NFE2: variants seen among roughly 807,000 people sequenced by gnomAD.
The protein encoded by NFE2 is transcription factor NF-E2 45 kDa subunit.
NFE2 carries 13 observed loss-of-function variants against 25.8 expected under a neutral mutation model. The observed-to-expected ratio is 0.50, with a 90% CI of 0.33 to 0.80. The LOEUF is 0.80. Among genes scored for constraint, NFE2 ranks in the 30% least tolerant of loss-of-function variants. The probability of loss-of-function intolerance (pLI) is 0.02; values close to 1 mark genes in which losing one functional copy is unlikely to be tolerated. For synonymous variants in NFE2, 204 were observed against 200.2 expected, an observed-to-expected ratio of 1.02 and a Z score of -0.16; for missense variants, 382 against 478.9, an observed-to-expected ratio of 0.80 and a Z score of 1.89.
chr12:54,293,471 C>A (rs547077114), intron 2 of NFE2, 90 bp from the exon 3 acceptor site: 1 of 1,334,352 alleles, frequency 7.5e-7, no homozygotes. Flanking sequence ...TTCTGAAAGT[C>A]GCAGTGAGGT....
chr12:54,296,409 CAAAA>C (rs372037870), intron 1 of NFE2, among the ~76,000 whole-genome samples: 5 of 86,966 alleles, frequency 5.7e-5, no homozygotes, highest in East Asian at 3.2e-4. Context: ...GACTATGTCT[CAAAA>C]AAAAAAAAAA....
Position 54,292,839 on chromosome 12 carries a change from C to A in NFE2, c.657G>T (p.Arg219=), listed in dbSNP as rs766389762. The A allele has an allele frequency of 3.1e-6, 5 of 1,614,218 alleles. No homozygotes were observed. The East Asian group carries it at 1.1e-4, about 36-fold the overall frequency. ...GTTCATCCCGACTCCCTGCCTCCCC[C>A]CGTGCAGTGGGCTTAGCCCGCACAG... The part of the protein sequence containing the change: ...SGPVRAKPTA[R]GEAGSRDERR... Residue 219 remains arginine (R), a synonymous_variant, in exon 3 of 3, where the codon CGG becomes CGT. Transcript: ENST00000435572.
chr12:54,292,560 G>C lies in NFE2; in HGVS notation c.936C>G (p.Arg312=). ...CCTCCAGGGTCCGGTCTGCCTCCCC[G>C]CGGGCCCTGAGAAGCCGCTCCCGTT... ...TNERERLLRA[R]GEADRTLEVM... The change falls in exon 3 of 3, where the codon CGC becomes CGG. Residue 312 remains arginine, a synonymous_variant. Transcript: ENST00000435572. 6.2e-7 allele frequency: 1 copy of C among 1,613,960 alleles called. No individual in the cohort carries two copies.
chr12:54,295,412 C>T, intron 1 of NFE2, 108 bp from the exon 2 acceptor site: 10 of 584,984 alleles, frequency 1.7e-5, no homozygotes, highest in Admixed American at 3.0e-5. Context: ...AAGGAGAGAC[C>T]GCCTCCTCCC....
chr12:54,292,867 C>T lies in NFE2; in HGVS notation c.629G>A (p.Gly210Asp), dbSNP rs1322334403. The T allele has an allele frequency of 6.2e-7, 1 of 1,613,782 alleles. No individual in the cohort carries two copies. Among genetic ancestry groups the T allele is most frequent in the Non-Finnish European group, 8.5e-7 (1 of 1,179,808 alleles). Residue 210 changes from glycine (G) to aspartate (D), a missense_variant, in exon 3 of 3, where the codon GGC becomes GAC. Gly to Asp is a moderately conservative substitution (Grantham distance 94). Coordinates refer to ENST00000435572, the MANE Select transcript of NFE2 (RefSeq NM_001136023.3). ...TGCAGTGGGCTTAGCCCGCACAGGG[C>T]CTGAGGAGGGCTCTAAGGCCAAGGG... Reference protein sequence around the residue: ...ETPLALEPSSGPVRAKPTARG... With the variant: ...ETPLALEPSSDPVRAKPTARG...
chr12:54,299,201 C>G (rs537432329), intron 1 of NFE2, among the ~76,000 whole-genome samples: 10 of 152,122 alleles, frequency 6.6e-5, no homozygotes, highest in Admixed American at 3.9e-4. Context: ...TTTCCCTAGA[C>G]GCTCAAGGAT....
intron 2 of NFE2, among the ~76,000 whole-genome samples, chr12:54,294,402 C>A (rs1454010024): frequency 6.6e-6 from 1 of 152,056 alleles, no homozygotes; most frequent in African/African-American, 2.4e-5. Context: ...GCAGAGGGAG[C>A]CGCTGTGTGG....
rs1158479197 is a variant in NFE2 at position 54,297,667 on chromosome 12, GA to G, written c.-56-2364del. On this transcript the variant is annotated intron_variant, in intron 1 of 2. Transcript: ENST00000435572. ...GGCGACAGAGTGAGACTCTGTTTCG[GA>G]AAAAAAAAAAAAAAAAAAAAAAAAG... is the stretch of plus-strand genomic sequence containing the variant. 124 of 40,666 alleles carry G rather than the reference GA, an allele frequency of 3.0e-3. 1 individual carries two copies. The South Asian group carries it at 0.044, about 14-fold the overall frequency. The allele number at this position is 40,666 out of a possible 1,614,324, so 2.5% of individuals were successfully genotyped here.
chr12:54,298,785 TCACACCTGTAATCCCAG>T (rs1278856109), intron 1 of NFE2, among the ~76,000 whole-genome samples: 1 of 151,924 alleles, frequency 6.6e-6, no homozygotes, highest in Non-Finnish European at 1.5e-5. Flanking sequence ...GTGTGGTGGC[TCACACCTGTAATCCCAG>T]CACTTTGGGA....
chr12:54,293,774 C>G (rs758648609), intron 2 of NFE2, among the ~76,000 whole-genome samples: 1 of 150,224 alleles, frequency 6.7e-6, no homozygotes, highest in African/African-American at 2.5e-5. Context: ...GCTTGAACCC[C>G]GGAGGTGGAG....
At chr12:54,294,920 A>G (rs1256684673) in intron 2 of NFE2, among the ~76,000 whole-genome samples, 2 of 152,008 alleles carry the variant, frequency 1.3e-5, no homozygotes, top group African/African-American at 2.4e-5. Flanking sequence ...TACACTCCCA[A>G]TCAGATCATT....
Position 54,292,194 on chromosome 12 carries a change from C to T in NFE2, c.*180G>A. 1.6e-6 allele frequency: 1 copy of T among 640,244 alleles called. No individual in the cohort carries two copies. Among genetic ancestry groups the T allele is most frequent in the Non-Finnish European group, 2.6e-6 (1 of 378,454 alleles). 39.7% of individuals were successfully genotyped at this position (640,244 alleles called of 1,614,324 possible). The stretch of plus-strand genomic sequence containing the variant: ...GAGCCGAGTCAGGGAAGACAGATTC[C>T]AGCCCTCCCTCAAGGCAAGCCTCTT... On this transcript the variant is annotated 3_prime_UTR_variant, in exon 3 of 3. Coordinates refer to ENST00000435572, the MANE Select transcript of NFE2 (RefSeq NM_001136023.3).
chr12:54,293,598 C>T (rs974577642), intron 2 of NFE2, among the ~76,000 whole-genome samples: 10 of 152,148 alleles, frequency 6.6e-5, no homozygotes, highest in African/African-American at 2.4e-4. Context: ...ACCTATAATC[C>T]CAACACTATG....
chr12:54,295,675 C>T (rs777567567), intron 1 of NFE2: 6 of 179,348 alleles, frequency 3.3e-5, no homozygotes, highest in Non-Finnish European at 4.7e-5. Flanking sequence ...TTTTCTAGGG[C>T]AACATCAGGG....
chr12:54,297,540 C>T (rs1944384135), intron 1 of NFE2, among the ~76,000 whole-genome samples: 1 of 150,978 alleles, frequency 6.6e-6, no homozygotes, highest in African/African-American at 2.4e-5. Flanking sequence ...TGGTGGGCGC[C>T]TGTAATCCCA....
chr12:54,295,313 A>G lies in NFE2; in HGVS notation c.-56-9T>C. On this transcript the variant is annotated splice_polypyrimidine_tract_variant and intron_variant, in intron 1 of 2. Coordinates refer to ENST00000435572, the MANE Select transcript of NFE2 (RefSeq NM_001136023.3). ...CAGATGGCTCTAGAAACCTGTGTCAAAGGAAAAGAGGTGTTAGAGCTACAC... is the reference window on the plus strand; with the variant it reads ...CAGATGGCTCTAGAAACCTGTGTCAGAGGAAAAGAGGTGTTAGAGCTACAC... The G allele has an allele frequency of 7.3e-7, 1 of 1,367,136 alleles. No individual in the cohort carries two copies. The highest frequency in any genetic ancestry group is 1.0e-6 in the Non-Finnish European group (1 of 959,556). The allele number at this position is 1,367,136 out of a possible 1,614,324, so 84.7% of individuals were successfully genotyped here.
chr12:54,300,522 G>C (rs1944413877), intron 1 of NFE2, among the ~76,000 whole-genome samples: 1 of 152,088 alleles, frequency 6.6e-6, no homozygotes, highest in Admixed American at 6.5e-5. Context: ...CTACTCCCCA[G>C]CCCCTCAGCG....
At chr12:54,297,949 G>A (rs1378151188) in intron 1 of NFE2, 1 of 152,136 alleles carries the variant, frequency 6.6e-6, no homozygotes, top group African/African-American at 2.4e-5. Context: ...TGGGCAGAGT[G>A]GGTGGGGTGT....
At position 54,292,255 on chromosome 12, in the gene NFE2, A is replaced by G; in HGVS notation, c.*119T>C. 5 of 1,063,540 alleles carry G rather than the reference A, an allele frequency of 4.7e-6. No homozygotes were observed. The highest frequency in any genetic ancestry group is 6.7e-6 in the Non-Finnish European group (5 of 742,474). 65.9% of individuals were successfully genotyped at this position (1,063,540 alleles called of 1,614,324 possible). ...TTGGAACTTCCAAACACTTGTTGCCATTGTCATCCTCTTCTGGTCTAGAGA... is the reference window on the plus strand; with the variant it reads ...TTGGAACTTCCAAACACTTGTTGCCGTTGTCATCCTCTTCTGGTCTAGAGA... On this transcript the variant is annotated 3_prime_UTR_variant, in exon 3 of 3. Transcript: ENST00000435572.
Sources: allele counts gnomAD v4.1 joint callset (sites outside exome capture counted in the v4.1 genomes callset), GRCh38; gene constraint gnomAD v4.1.1; transcripts MANE v1.5; gene names NCBI Gene and HGNC (gene_info 2026-07-23, HGNC 2026-07-21).